DMXL1: variants seen among roughly 807,000 people sequenced by gnomAD.
DMXL1 encodes dmX-like protein 1.
In DMXL1, 99 loss-of-function variants were observed where a neutral mutation model predicts 319.2. The ratio of observed to expected loss-of-function variants is 0.31; its 90% CI spans 0.26 to 0.37. DMXL1 has a LOEUF of 0.37. Ranked by LOEUF, DMXL1 falls within the 10% of genes least tolerant of loss-of-function variation. The probability of loss-of-function intolerance (pLI) is 1.00; values close to 1 mark genes in which losing one functional copy is unlikely to be tolerated. For synonymous variants in DMXL1, 1,385 were observed against 1,235.2 expected, an observed-to-expected ratio of 1.12 and a Z score of -2.54; for missense variants, 3,745 against 3,595.6, an observed-to-expected ratio of 1.04 and a Z score of -1.06.
intron 25 of DMXL1, among the ~76,000 whole-genome samples, chr5:119,173,869 G>T (rs750218359): frequency 2.4e-4 from 36 of 148,438 alleles, no homozygotes; most frequent in Non-Finnish European, 4.5e-4. Context: ...AAGATCTGCA[G>T]TTGGCAAGTT....
chr5:119,247,029 C>A lies in DMXL1; in HGVS notation c.8957C>A (p.Thr2986Asn), dbSNP rs1205575083. ...WSLSTFGLLHTFVSEHARQSI... is the reference protein window; with the variant it reads ...WSLSTFGLLHNFVSEHARQSI... ...CTCTCTACCTTTGGTCTTCTCCATA[C>A]TTTTGTCAGTGAACATGCTCGGCAG... The change falls in exon 44 of 44, where the codon ACT becomes AAT. Residue 2986 changes from threonine (T) to asparagine (N), a missense_variant. Thr to Asn is a moderately conservative substitution (Grantham distance 65, BLOSUM62 0). Around this residue, in one of 4 missense-constraint regions of DMXL1, gnomAD observed 262 missense variants for 320.5 expected, o/e 0.82. Transcript: ENST00000539542. 1.9e-6 allele frequency: 3 copies of A among 1,613,716 alleles called. No individual in the cohort carries two copies. The highest frequency in any genetic ancestry group is 2.5e-6 in the Non-Finnish European group (3 of 1,179,732).
In DMXL1 at chr5:119,171,030, C is replaced by A; in HGVS notation, c.6239C>A (p.Ala2080Asp). The A allele has an allele frequency of 6.2e-7, 1 of 1,613,742 alleles. No individual in the cohort carries two copies. The highest frequency in any genetic ancestry group is 8.5e-7 in the Non-Finnish European group (1 of 1,179,868). The change falls in exon 24 of 44, where the codon GCT (alanine) becomes GAT (aspartate). Residue 2080 changes from alanine (A) to aspartate (D), a missense_variant. Transcript: ENST00000539542. ...AGGACTTGTGACTTTTGCTCAGATG[C>A]TGAAGAACTACAGTCTGCATTTGGC... is the stretch of plus-strand genomic sequence containing the variant. Reference protein sequence around the residue: ...LQRTCDFCSDAEELQSAFGRN... With the variant: ...LQRTCDFCSDDEELQSAFGRN...
intron 9 of DMXL1, chr5:119,128,167 C>A: frequency 4.1e-6 from 2 of 490,024 alleles, no homozygotes; most frequent in Non-Finnish European, 4.0e-6. Context: ...TAAAACTTTG[C>A]ATAGTTCCAC....
chr5:119,075,779 G>T (rs1186686045), intron 1 of DMXL1, among the ~76,000 whole-genome samples: 4 of 151,586 alleles, frequency 2.6e-5, no homozygotes, highest in Non-Finnish European at 5.9e-5. Context: ...TGCCCAGGCT[G>T]ATGTCTAACT....
intron 13 of DMXL1, among the ~76,000 whole-genome samples, chr5:119,142,537 AAGAT>A (rs1448847163): frequency 6.6e-6 from 1 of 150,772 alleles, no homozygotes; most frequent in African/African-American, 2.4e-5. Flanking sequence ...AAAAAAAAAA[AAGAT>A]GCTGATGAGG....
At chr5:119,221,723 T>C (rs1159724599) in intron 37 of DMXL1, among the ~76,000 whole-genome samples, 1 of 151,958 alleles carries the variant, frequency 6.6e-6, no homozygotes, top group African/African-American at 2.4e-5. Context: ...TTTTAATGGA[T>C]ATCAATTAAT....
chr5:119,242,000 G>A (rs944921249), intron 42 of DMXL1, among the ~76,000 whole-genome samples: 1 of 151,980 alleles, frequency 6.6e-6, no homozygotes, highest in Admixed American at 6.6e-5. Context: ...CTCGACTGTC[G>A]ATGGCACCAC....
chr5:119,200,914 A>G (rs558448588), intron 32 of DMXL1, among the ~76,000 whole-genome samples: 16 of 152,138 alleles, frequency 1.1e-4, no homozygotes, highest in African/African-American at 3.9e-4. Context: ...TTGTACACTG[A>G]TTTTTGTATC....
intron 1 of DMXL1, among the ~76,000 whole-genome samples, chr5:119,088,163 A>AT (rs1416276661): frequency 6.6e-6 from 1 of 152,154 alleles, no homozygotes; most frequent in Non-Finnish European, 1.5e-5. Context: ...ATAATTGTTT[A>AT]TACTATTTCT....
In DMXL1 at chr5:119,188,616, TAGTA is replaced by T. The variant is rs1237005066; in HGVS notation, c.7136-1089_7136-1086del. ...AACTTGATTGTTGGTTATCAAATGT[TAGTA>T]AGAACAAAGAAAAAAATTTGCACAT... On this transcript the variant is annotated intron_variant, in intron 28 of 43. Transcript: ENST00000539542. Among the ~76,000 whole-genome samples the T allele has an allele frequency of 2.6e-5, 4 of 152,354 alleles. 1 individual carries two copies. Among genetic ancestry groups the T allele is most frequent in the South Asian group, 4.1e-4 (2 of 4,832 alleles).
chr5:119,103,082 A>T (rs1044564446), intron 3 of DMXL1, among the ~76,000 whole-genome samples: 7 of 145,714 alleles, frequency 4.8e-5, no homozygotes, highest in Admixed American at 1.4e-4. Context: ...AAATTAAAAG[A>T]TTTTTTTTTT....
At chr5:119,180,135 A>G (rs141370245) in intron 28 of DMXL1, among the ~76,000 whole-genome samples, 2 of 152,322 alleles carry the variant, frequency 1.3e-5, no homozygotes, top group East Asian at 3.9e-4. Flanking sequence ...TATTTGGAAT[A>G]GAATATTTGC....
intron 25 of DMXL1, among the ~76,000 whole-genome samples, chr5:119,173,736 GTATATATATATGTGTGTGTA>G (rs1775127153): frequency 1.8e-5 from 2 of 111,918 alleles, no homozygotes; most frequent in Non-Finnish European, 3.6e-5. Context: ...ATATATGTGT[GTATATATATATGTGTGTGTA>G]TATATATATA....
intron 19 of DMXL1, among the ~76,000 whole-genome samples, chr5:119,159,295 C>T (rs928691265): frequency 6.6e-6 from 1 of 152,134 alleles, no homozygotes; most frequent in Non-Finnish European, 1.5e-5. Flanking sequence ...CAGAGTTTCA[C>T]CATGTTGGCA....
chr5:119,125,835 A>G (rs933917555), intron 9 of DMXL1, among the ~76,000 whole-genome samples: 1 of 152,164 alleles, frequency 6.6e-6, no homozygotes, highest in East Asian at 1.9e-4. Flanking sequence ...AAGCATTGGG[A>G]ATACAGGCGT....
chr5:119,244,375 C>T lies in DMXL1; in HGVS notation c.8721C>T (p.Asp2907=). 6.2e-7 allele frequency: 1 copy of T among 1,613,406 alleles called. No homozygotes were observed. Among genetic ancestry groups the T allele is most frequent in the East Asian group, 2.2e-5 (1 of 44,852 alleles). ...TACTTTCAGCATTTACCTGCCATGA[C>T]AGTGGAGCCACAGTTTTAGCATATG... ...NSLVHAFTCH[D]SGATVLAYAP... is the part of the protein sequence containing the mutation. The change falls in exon 43 of 44, where the codon GAC becomes GAT. Residue 2907 remains aspartate, a synonymous_variant. Coordinates refer to ENST00000539542, the MANE Select transcript of DMXL1 (RefSeq NM_001290321.3).
intron 9 of DMXL1, chr5:119,128,361 G>A (rs1424265872): frequency 1.8e-5 from 5 of 279,304 alleles, no homozygotes; most frequent in Admixed American, 1.5e-4. Flanking sequence ...AAAATCCCAC[G>A]TAGACTTCAG....
intron 34 of DMXL1, 79 bp from the exon 35 acceptor site, chr5:119,216,822 C>T (rs1783779841): frequency 2.7e-6 from 2 of 749,670 alleles, no homozygotes; most frequent in South Asian, 3.4e-5. Flanking sequence ...TATGCAAGTA[C>T]TAATTGATAG....
chr5:119,180,028 A>C (rs1299141534), intron 28 of DMXL1, among the ~76,000 whole-genome samples: 1 of 152,222 alleles, frequency 6.6e-6, no homozygotes, highest in Non-Finnish European at 1.5e-5. Context: ...ATTTGTAAAC[A>C]GATGAGTACA....
Sources: allele counts gnomAD v4.1 joint callset (sites outside exome capture counted in the v4.1 genomes callset), GRCh38; gene constraint gnomAD v4.1.1; regional missense constraint gnomAD v4.1.1; transcripts MANE v1.5; gene names NCBI Gene and HGNC (gene_info 2026-07-23, HGNC 2026-07-21).